TRIM66: variants seen among roughly 807,000 people sequenced by gnomAD.
TRIM66 encodes tripartite motif-containing protein 66.
In TRIM66, 99 loss-of-function variants were observed where a neutral mutation model predicts 148.2. The observed-to-expected ratio is 0.67, with a 90% confidence interval of 0.57 to 0.79. The LOEUF (loss-of-function observed/expected upper bound fraction) is 0.79, where lower values mean the gene tolerates loss of function less well. Ranked by LOEUF, TRIM66 falls within the 30% of genes least tolerant of loss-of-function variation. The pLI, the probability that TRIM66 is intolerant of heterozygous loss-of-function variation, is 0.00. For synonymous variants in TRIM66, 616 were observed against 635.9 expected (o/e 0.97, Z 0.47); for missense variants, 1,666 against 1,697.9 (o/e 0.98, Z 0.33).
In TRIM66 at chr11:8,674,449, A is replaced by G. The variant is rs2039084891; in HGVS notation, c.-112+357T>C. Among the ~76,000 whole-genome samples, 6 of 152,310 alleles carry G rather than the reference A, an allele frequency of 3.9e-5. No individual in the cohort carries two copies. In the South Asian group the frequency reaches 1.2e-3, roughly 32 times the overall value. On this transcript the variant is annotated intron_variant, in intron 4 of 24. Transcript: ENST00000646038. ...CCTAGGCTGGAGGGCAGTCGTGCGA[A>G]GTTCACTGCAGCCTCAAACTTCTGA... is the stretch of plus-strand genomic sequence containing the variant.
chr11:8,617,765 G>T lies in TRIM66; in HGVS notation c.*179C>A. 1.6e-6 allele frequency: 1 copy of T among 609,622 alleles called. No individual in the cohort carries two copies. 37.8% of individuals were successfully genotyped at this position (609,622 alleles called of 1,614,324 possible). ...GTTTATTACTGAAATCTTCTCTGTA[G>T]TGGATGTACTACGGCTCCCAAATAA... is the stretch of plus-strand genomic sequence containing the variant. On this transcript the variant is annotated 3_prime_UTR_variant, in exon 25 of 25. Transcript: ENST00000646038.
intron 6 of TRIM66, among the ~76,000 whole-genome samples, chr11:8,665,336 T>G (rs553994375): frequency 6.6e-6 from 1 of 152,354 alleles, no homozygotes; most frequent in African/African-American, 2.4e-5. Context: ...ACAGCTGATT[T>G]GGGAGCCATT....
intron 6 of TRIM66, among the ~76,000 whole-genome samples, chr11:8,655,578 T>C (rs1186377542): frequency 6.6e-6 from 1 of 151,546 alleles, no homozygotes; most frequent in Admixed American, 6.6e-5. Context: ...AGGTCAGGAG[T>C]TCGAGACCAG....
rs191269141 is a variant in TRIM66, at chr11:8,658,922, C to T, written c.341-7019G>A. 2.6e-3 allele frequency: 1,247 copies of T among 470,684 alleles called. 1 individual carries two copies. Among genetic ancestry groups the T allele is most frequent in the Non-Finnish European group, 3.2e-3 (1,169 of 360,086 alleles). The allele number at this position is 470,684 out of a possible 1,614,324, so 29.2% of individuals were successfully genotyped here. A position where few individuals can be genotyped will look rare whatever the true frequency, so the allele number is the denominator to read the frequency against. On this transcript the variant is annotated intron_variant, in intron 6 of 24. Transcript: ENST00000646038. ...TCAGTTGCCATAGTGACCAATTGTCCGTCACAAGCAGAGGATTAGGACTTC... is the reference window on the plus strand; with the variant it reads ...TCAGTTGCCATAGTGACCAATTGTCTGTCACAAGCAGAGGATTAGGACTTC...
At chr11:8,680,951 T>A (rs1421019451) in intron 1 of TRIM66, 1 of 152,154 alleles carries the variant, frequency 6.6e-6, no homozygotes, top group Non-Finnish European at 1.5e-5. Flanking sequence ...ATATGAAGAA[T>A]AGGAAGAGTC....
At chr11:8,660,682 A>G (rs2038186098) in intron 6 of TRIM66, among the ~76,000 whole-genome samples, 1 of 152,240 alleles carries the variant, frequency 6.6e-6, no homozygotes. Flanking sequence ...AAATTGTGCT[A>G]GCCTCACCCT....
chr11:8,649,785 C>T lies in TRIM66; in HGVS notation c.547G>A (p.Val183Ile). 1 of 1,551,640 alleles carries T rather than the reference C, an allele frequency of 6.4e-7. No homozygotes were observed. Among genetic ancestry groups the T allele is most frequent in the Non-Finnish European group, 8.7e-7 (1 of 1,147,000 alleles). ...CGAGGAAAGAATGGGCCCCCGGGGACAGGGCTGTGTCGGTGTTCCTCTGTG... is the reference window on the plus strand; with the variant it reads ...CGAGGAAAGAATGGGCCCCCGGGGATAGGGCTGTGTCGGTGTTCCTCTGTG... ...SCTEEHRHSP[V>I]PGGPFFPRAQ... Residue 183 changes from valine to isoleucine, a missense_variant, in exon 8 of 25, where the codon GTC (valine) becomes ATC (isoleucine). Physicochemically the swap from Val to Ile is conservative, Grantham distance 29. This residue lies in a region of TRIM66 where 1,431 missense variants were observed against 1,412.4 expected (regional missense o/e 1.01). Transcript: ENST00000646038.
At chr11:8,682,958 G>C, upstream of TRIM66, 1 of 1,191,836 alleles carries the variant, frequency 8.4e-7, no homozygotes, top group South Asian at 1.5e-5. Context: ...GGTGGCCGGC[G>C]CGGGCCCGGG....
At position 8,613,727 on chromosome 11, in the gene TRIM66, C is replaced by G. The variant is rs2033545168; in HGVS notation, c.*4217G>C. On this transcript the variant is annotated 3_prime_UTR_variant, in exon 25 of 25. Transcript: ENST00000646038. ...CAAGATATAGAGAATTAAATAGGAG[C>G]AAGAATGGAGGGGTTGGGGAGAGTT... The G allele has an allele frequency of 6.6e-6, 1 of 151,886 alleles. No homozygotes were observed. The highest frequency in any genetic ancestry group is 1.5e-5 in the Non-Finnish European group (1 of 68,044). The allele number at this position is 151,886 out of a possible 1,614,324, so 9.4% of individuals were successfully genotyped here. A position where few individuals can be genotyped will look rare whatever the true frequency, so the allele number is the denominator to read the frequency against.
intron 15 of TRIM66, among the ~76,000 whole-genome samples, chr11:8,631,851 T>C (rs1208176163): frequency 6.6e-6 from 1 of 152,188 alleles, no homozygotes; most frequent in African/African-American, 2.4e-5. Flanking sequence ...TGATGGCTGT[T>C]TTTGCTGCTG....
chr11:8,628,875 G>A (rs1458051317), intron 15 of TRIM66, among the ~76,000 whole-genome samples: 2 of 151,452 alleles, frequency 1.3e-5, no homozygotes, highest in Non-Finnish European at 2.9e-5. Context: ...TAATTTAACT[G>A]CTTTAGTAAG....
chr11:8,682,963 C>T, upstream of TRIM66: 1 of 1,157,824 alleles, frequency 8.6e-7, no homozygotes, highest in Non-Finnish European at 1.2e-6. Flanking sequence ...CCGGCGCGGG[C>T]CCGGGGCGGG....
At chr11:8,649,077 G>C (rs549271848) in intron 8 of TRIM66, among the ~76,000 whole-genome samples, 2 of 152,190 alleles carry the variant, frequency 1.3e-5, no homozygotes, top group Non-Finnish European at 2.9e-5. Flanking sequence ...AGTGGCTCAC[G>C]CCTGTAATCG....
chr11:8,620,197 C>T, intron 21 of TRIM66, 73 bp from the exon 22 acceptor site: 1 of 1,427,470 alleles, frequency 7.0e-7, no homozygotes, highest in Non-Finnish European at 9.6e-7. Flanking sequence ...GATGTTGACC[C>T]TGATAACTCC....
At chr11:8,676,356 C>G (rs1251239051) in intron 3 of TRIM66, among the ~76,000 whole-genome samples, 1 of 152,000 alleles carries the variant, frequency 6.6e-6, no homozygotes, top group African/African-American at 2.4e-5. Flanking sequence ...GTGCAAATGT[C>G]AACCCAGTGA....
chr11:8,620,529 C>A lies in TRIM66; in HGVS notation c.3589G>T (p.Glu1197Ter). ...CTLCRSLTQPEMEYDCENACY... is the reference protein window; with the variant it reads ...CTLCRSLTQP ...GCATTCTCACAGTCGTACTCCATCT[C>A]GGGCTGGGTCAGGCTGCGGCACAAG... The change falls in exon 21 of 25, where the codon GAG (glutamate) becomes TAG (stop). Residue 1197 changes from glutamate to a stop codon, truncating the protein, a stop_gained. Coordinates refer to ENST00000646038, the MANE Select transcript of TRIM66 (RefSeq NM_001388022.1). LOFTEE classifies it high-confidence loss of function. The A allele has an allele frequency of 1.9e-6, 3 of 1,551,780 alleles. No individual in the cohort carries two copies. Among genetic ancestry groups the A allele is most frequent in the South Asian group, 2.4e-5 (2 of 84,064 alleles).
chr11:8,615,262 A>G lies in TRIM66; in HGVS notation c.*2682T>C, dbSNP rs1308128458. The G allele has an allele frequency of 1.3e-5, 2 of 152,180 alleles. No individual in the cohort carries two copies. The highest frequency in any genetic ancestry group is 4.8e-5 in the African/African-American group (2 of 41,442). 9.4% of individuals were successfully genotyped at this position (152,180 alleles called of 1,614,324 possible). ...AAATAAAATTTAAAAATCCTGAACC[A>G]ATTTTTAACTAAAATCCCCTTGCAT... On this transcript the variant is annotated 3_prime_UTR_variant, in exon 25 of 25. Transcript: ENST00000646038.
In TRIM66 at chr11:8,622,884, A is replaced by C; in HGVS notation, c.3020-8T>G. 6.4e-7 allele frequency: 1 copy of C among 1,551,820 alleles called. No homozygotes were observed. On this transcript the variant is annotated splice_region_variant and splice_polypyrimidine_tract_variant and intron_variant, in intron 17 of 24. Transcript: ENST00000646038. ...GTTCAAAATTCTCACACTCTAAGGCAAAAGACAAACAAATACCTGTGACAC... is the reference window on the plus strand; with the variant it reads ...GTTCAAAATTCTCACACTCTAAGGCCAAAGACAAACAAATACCTGTGACAC...
At chr11:8,679,364 T>A (rs2039316212) in intron 3 of TRIM66, 1 of 152,160 alleles carries the variant, frequency 6.6e-6, no homozygotes, top group Non-Finnish European at 1.5e-5. Flanking sequence ...AAGCCATTGA[T>A]GAGAAGAATG....
Sources: gnomAD v4.1 joint callset for allele counts (sites outside exome capture counted in the v4.1 genomes callset) on GRCh38, gnomAD v4.1.1 for gene constraint, gnomAD v4.1.1 regional missense constraint, MANE v1.5 for transcripts, NCBI Gene and HGNC (gene_info 2026-07-23, HGNC 2026-07-21) for gene names.